The following NRXN3 variants were observed in gnomAD, a reference collection of about 807,000 sequenced individuals.
NRXN3 encodes neurexin III.
In NRXN3, 32 loss-of-function variants were observed where a neutral mutation model predicts 137.6. The observed-to-expected ratio is 0.23, with a 90% CI of 0.18 to 0.31. The LOEUF (loss-of-function observed/expected upper bound fraction) is 0.31, where lower values mean the gene tolerates loss of function less well. Among genes scored for constraint, NRXN3 ranks in the 10% least tolerant of loss-of-function variants. The pLI is 1.00. For synonymous variants in NRXN3, 798 were observed against 784.5 expected, an observed-to-expected ratio of 1.02 and a Z score of -0.29; for missense variants, 1,574 against 2,062.5, an observed-to-expected ratio of 0.76 and a Z score of 4.59.
At chr14:79,837,060 T>C (rs2099345639) in intron 20 of NRXN3, among the ~76,000 whole-genome samples, 1 of 152,140 alleles carries the variant, frequency 6.6e-6, no homozygotes, top group South Asian at 2.1e-4. Context: ...AAACAAATTA[T>C]CACCGCTTTC....
chr14:78,987,940 A>G, intron 14 of NRXN3, 82 bp from the exon 15 acceptor site: 2 of 1,457,284 alleles, frequency 1.4e-6, no homozygotes, highest in Non-Finnish European at 1.8e-6. Context: ...TGGTAAATTC[A>G]GGTGATTTCC....
At chr14:79,744,226 G>T (rs916290983) in intron 19 of NRXN3, among the ~76,000 whole-genome samples, 4 of 152,128 alleles carry the variant, frequency 2.6e-5, no homozygotes, top group Non-Finnish European at 2.9e-5. Context: ...GGTTAGATGT[G>T]AATGTCAGAA....
At position 78,780,387 on chromosome 14, in the gene NRXN3, T is replaced by A. The variant is rs117008517; in HGVS notation, c.2045-23233T>A. On this transcript the variant is annotated intron_variant, in intron 8 of 20. Coordinates refer to ENST00000335750, the MANE Select transcript of NRXN3 (RefSeq NM_001330195.2). Reference sequence around the variant, plus strand: ...AATAATGGTGATTAGCTTTACGACCTATGTATGGGAAAGATTTCTTAAAAG... The same window carrying A: ...AATAATGGTGATTAGCTTTACGACCAATGTATGGGAAAGATTTCTTAAAAG... 1.8e-3 allele frequency among the ~76,000 whole-genome samples: 272 copies of A among 152,172 alleles called. 1 individual carries two copies. Among genetic ancestry groups the A allele is most frequent in the South Asian group, 8.9e-3 (43 of 4,828 alleles).
intron 4 of NRXN3, among the ~76,000 whole-genome samples, chr14:78,323,862 G>A (rs1270234445): frequency 6.6e-6 from 1 of 152,044 alleles, no homozygotes; most frequent in African/African-American, 2.4e-5. Context: ...GGAACTAGCA[G>A]GAGAGGTGGG....
At chr14:79,555,524 T>C (rs975705291) in intron 16 of NRXN3, among the ~76,000 whole-genome samples, 11 of 152,116 alleles carry the variant, frequency 7.2e-5, no homozygotes, top group Non-Finnish European at 1.2e-4. Flanking sequence ...ACAAAATAAG[T>C]TTATTCTAGT....
At chr14:78,733,153 T>C (rs2098524457) in intron 8 of NRXN3, among the ~76,000 whole-genome samples, 1 of 152,158 alleles carries the variant, frequency 6.6e-6, no homozygotes, top group African/African-American at 2.4e-5. Context: ...TTTGAAATAA[T>C]AATCTGGTTA....
intron 4 of NRXN3, among the ~76,000 whole-genome samples, chr14:78,324,182 A>C (rs2079752444): frequency 2.0e-5 from 3 of 152,076 alleles, no homozygotes; most frequent in African/African-American, 7.3e-5. Flanking sequence ...CTGTCTTTTC[A>C]TCTGTATTAT....
chr14:79,215,518 A>G (rs936584227), intron 15 of NRXN3, among the ~76,000 whole-genome samples: 1 of 152,178 alleles, frequency 6.6e-6, no homozygotes, highest in South Asian at 2.1e-4. Context: ...AAGCCTCACA[A>G]TCATGATGGA....
chr14:78,223,977 G>A (rs1211524689), intron 1 of NRXN3, among the ~76,000 whole-genome samples: 3 of 152,074 alleles, frequency 2.0e-5, no homozygotes, highest in Admixed American at 6.5e-5. Flanking sequence ...GATCAAGCCC[G>A]GGCCCCTCTC....
intron 15 of NRXN3, among the ~76,000 whole-genome samples, chr14:79,015,925 C>T (rs910084320): frequency 2.6e-5 from 4 of 152,100 alleles, no homozygotes; most frequent in African/African-American, 9.7e-5. Context: ...CCACAACATC[C>T]TAAAGGCCCT....
intron 15 of NRXN3, among the ~76,000 whole-genome samples, chr14:79,197,029 G>C (rs1214160666): frequency 1.3e-5 from 2 of 152,160 alleles, no homozygotes; most frequent in African/African-American, 2.4e-5. Context: ...AGGTGGGCTA[G>C]GTCAGCTCTA....
At chr14:78,687,532 A>T (rs144095103) in intron 6 of NRXN3, among the ~76,000 whole-genome samples, 27 of 152,364 alleles carry the variant, frequency 1.8e-4, no homozygotes, top group African/African-American at 6.5e-4. Flanking sequence ...AGTCAAGATA[A>T]GCTAGGCTGT....
At chr14:79,179,904 AACTGCC>A (rs1446964085) in intron 15 of NRXN3, among the ~76,000 whole-genome samples, 1 of 152,170 alleles carries the variant, frequency 6.6e-6, no homozygotes, top group African/African-American at 2.4e-5. Flanking sequence ...ACCCAGCCAC[AACTGCC>A]ACTGCATTCT....
chr14:78,723,255 A>T lies in NRXN3; in HGVS notation c.2044+8116A>T, dbSNP rs536163761. Among the ~76,000 whole-genome samples, 9 of 152,356 alleles carry T rather than the reference A, an allele frequency of 5.9e-5. 1 individual carries two copies. The highest frequency in any genetic ancestry group is 5.9e-4 in the Admixed American group (9 of 15,308). On this transcript the variant is annotated intron_variant, in intron 8 of 20. Transcript: ENST00000335750. ...GTCAGCATATAATAGTCCAGTTTGC[A>T]TTGGTATTAATTCAGGAATGAGAGA...
rs2096544959 is a variant in NRXN3 at position 79,474,780 on chromosome 14, A to C, written c.3444+7378A>C. ...TTTATCGACCATGGGAAATGGGAATATGCCACTTTGCATGAAAACAGGGAA... is the reference window on the plus strand; with the variant it reads ...TTTATCGACCATGGGAAATGGGAATCTGCCACTTTGCATGAAAACAGGGAA... On this transcript the variant is annotated intron_variant, in intron 16 of 20. Transcript: ENST00000335750. 3.3e-5 allele frequency among the ~76,000 whole-genome samples: 5 copies of C among 152,094 alleles called. No individual in the cohort carries two copies. The South Asian group carries it at 1.0e-3, about 32-fold the overall frequency.
intron 16 of NRXN3, among the ~76,000 whole-genome samples, chr14:79,476,493 AG>A (rs2096560972): frequency 6.6e-6 from 1 of 152,120 alleles, no homozygotes; most frequent in African/African-American, 2.4e-5. Context: ...GTTGTCATTA[AG>A]GCTCATATTC....
At chr14:79,384,127 G>C (rs2094540709) in intron 15 of NRXN3, among the ~76,000 whole-genome samples, 1 of 152,050 alleles carries the variant, frequency 6.6e-6, no homozygotes, top group East Asian at 1.9e-4. Context: ...ATTTCTATGT[G>C]GTTTGGTTCA....
At chr14:78,825,700 C>A (rs1431604027) in intron 10 of NRXN3, among the ~76,000 whole-genome samples, 1 of 152,228 alleles carries the variant, frequency 6.6e-6, no homozygotes, top group Non-Finnish European at 1.5e-5. Flanking sequence ...AATGGAATTG[C>A]TTCGTTTGTA....
chr14:79,764,295 A>G (rs2099049027), intron 19 of NRXN3, among the ~76,000 whole-genome samples: 1 of 152,158 alleles, frequency 6.6e-6, no homozygotes, highest in Non-Finnish European at 1.5e-5. Context: ...TCATCCAGGT[A>G]AAGCTGAGGG....
Sources: gnomAD v4.1 joint callset for allele counts (sites outside exome capture counted in the v4.1 genomes callset) on GRCh38, gnomAD v4.1.1 for gene constraint, MANE v1.5 for transcripts, NCBI Gene and HGNC (gene_info 2026-07-23, HGNC 2026-07-21) for gene names.